Variants in ANO10 observed in about 807,000 individuals in gnomAD.
The protein encoded by ANO10 is anoctamin 10, also known as anoctamin-10.
Under a neutral mutation model 74.7 loss-of-function variants are expected in ANO10, and 77 were observed. The observed-to-expected ratio is 1.03, with a 90% CI of 0.86 to 1.25. The LOEUF (loss-of-function observed/expected upper bound fraction) is 1.25, where lower values mean the gene tolerates loss of function less well. Among genes scored for constraint, ANO10 ranks in the 50% most tolerant of loss-of-function variants. The pLI is 0.00. For synonymous variants in ANO10, 279 were observed against 284.9 expected, an observed-to-expected ratio of 0.98 and a Z score of 0.21; for missense variants, 721 against 778.1, an observed-to-expected ratio of 0.93 and a Z score of 0.87.
intron 7 of ANO10, among the ~76,000 whole-genome samples, chr3:43,571,446 C>T (rs1244815118): frequency 1.3e-5 from 2 of 151,618 alleles, no homozygotes; most frequent in African/African-American, 4.8e-5. Flanking sequence ...AAATGTCCAA[C>T]AATGATAGAC....
intron 11 of ANO10, among the ~76,000 whole-genome samples, chr3:43,515,180 G>T (rs544796501): frequency 6.6e-6 from 1 of 152,272 alleles, no homozygotes; most frequent in South Asian, 2.1e-4. Flanking sequence ...CTGAGCCATG[G>T]GTGCCAGGAT....
chr3:43,517,016 C>T (rs1014036130), intron 11 of ANO10, among the ~76,000 whole-genome samples: 3 of 152,056 alleles, frequency 2.0e-5, no homozygotes, highest in African/African-American at 4.8e-5. Context: ...ATTTATGAGT[C>T]GGCTGCACAG....
At chr3:43,545,664 C>T (rs1184520535) in intron 11 of ANO10, among the ~76,000 whole-genome samples, 1 of 152,166 alleles carries the variant, frequency 6.6e-6, no homozygotes, top group African/African-American at 2.4e-5. Context: ...CCGTGCCCGA[C>T]CCCACTGATA....
chr3:43,422,184 T>A (rs2092829438), intron 12 of ANO10, among the ~76,000 whole-genome samples: 1 of 152,214 alleles, frequency 6.6e-6, no homozygotes, highest in African/African-American at 2.4e-5. Context: ...TGGTGAGATC[T>A]CAGCTCATTG....
chr3:43,429,871 T>C (rs2092955129), intron 12 of ANO10, among the ~76,000 whole-genome samples: 1 of 152,168 alleles, frequency 6.6e-6, no homozygotes, highest in South Asian at 2.1e-4. Flanking sequence ...GACTAAATTT[T>C]GGTACTCTTT....
chr3:43,545,190 T>G (rs1425279487), intron 11 of ANO10, among the ~76,000 whole-genome samples: 1 of 152,272 alleles, frequency 6.6e-6, no homozygotes, highest in East Asian at 1.9e-4. Flanking sequence ...TGCTGTTAAT[T>G]TAATATGCTA....
chr3:43,633,774 T>C (rs2083574299), intron 1 of ANO10, among the ~76,000 whole-genome samples: 1 of 152,104 alleles, frequency 6.6e-6, no homozygotes, highest in South Asian at 2.1e-4. Flanking sequence ...TTATTACTCG[T>C]TGTGTAGCAG....
intron 1 of ANO10, among the ~76,000 whole-genome samples, chr3:43,677,694 A>G (rs538138606): frequency 6.6e-6 from 1 of 152,366 alleles, no homozygotes; most frequent in Non-Finnish European, 1.5e-5. Flanking sequence ...GCCTTCACTC[A>G]TAAGTCTGGT....
chr3:43,548,467 T>C (rs1190560673), intron 11 of ANO10, among the ~76,000 whole-genome samples: 1 of 152,210 alleles, frequency 6.6e-6, no homozygotes, highest in Non-Finnish European at 1.5e-5. Context: ...CTCACTGCTG[T>C]CTAAAATCAT....
At position 43,432,671 on chromosome 3, in the gene ANO10, C is replaced by T; in HGVS notation, c.1854G>A (p.Arg618=). The change falls in exon 12 of 13, where the codon CGG becomes CGA. Residue 618 remains arginine, a synonymous_variant. Transcript: ENST00000292246. Reference sequence around the variant, plus strand: ...GTCTGGCTAGTTTCATCTGGATATGCCGTGGCTTATCAGGTATGGCAAATG... The same window carrying T: ...GTCTGGCTAGTTTCATCTGGATATGTCGTGGCTTATCAGGTATGGCAAATG... ...ILAFAIPDKP[R]HIQMKLARLE... is the part of the protein sequence containing the mutation. 1 of 1,613,948 alleles carries T rather than the reference C, an allele frequency of 6.2e-7. No homozygotes were observed. Among genetic ancestry groups the T allele is most frequent in the Non-Finnish European group, 8.5e-7 (1 of 1,179,924 alleles).
chr3:43,565,764 C>T, intron 7 of ANO10, 37 bp from the exon 8 acceptor site: 5 of 1,532,610 alleles, frequency 3.3e-6, no homozygotes, highest in Non-Finnish European at 4.4e-6. Context: ...AAGTGTTAAG[C>T]ACTGCTTTAG....
At chr3:43,522,162 T>C (rs2077986287) in intron 11 of ANO10, among the ~76,000 whole-genome samples, 2 of 152,112 alleles carry the variant, frequency 1.3e-5, no homozygotes, top group South Asian at 2.1e-4. Context: ...TGGAGAGTCA[T>C]TGCCTGCTGC....
intron 1 of ANO10, among the ~76,000 whole-genome samples, chr3:43,654,260 A>G (rs914990242): frequency 6.6e-5 from 10 of 152,180 alleles, no homozygotes; most frequent in African/African-American, 2.4e-4. Context: ...AAATCCCAAT[A>G]GGATGGAAAT....
intron 12 of ANO10, among the ~76,000 whole-genome samples, chr3:43,422,141 G>A (rs1450486119): frequency 6.6e-6 from 1 of 152,058 alleles, no homozygotes; most frequent in Admixed American, 6.6e-5. Flanking sequence ...TTTTGAGATG[G>A]AGTCTCGCTC....
intron 12 of ANO10, 108 bp downstream of exon 12, chr3:43,432,503 A>G: frequency 3.0e-6 from 3 of 983,754 alleles, no homozygotes; most frequent in Non-Finnish European, 1.6e-6. Context: ...GTATTCATTT[A>G]AACTGGTAAC....
At chr3:43,411,588 T>A (rs1359186523) in intron 12 of ANO10, among the ~76,000 whole-genome samples, 2 of 152,176 alleles carry the variant, frequency 1.3e-5, no homozygotes, top group African/African-American at 4.8e-5. Context: ...GAAGTGCCTC[T>A]CAGAGCAGGG....
At chr3:43,430,420 A>G (rs1015960614) in intron 12 of ANO10, among the ~76,000 whole-genome samples, 3 of 151,688 alleles carry the variant, frequency 2.0e-5, no homozygotes, top group Non-Finnish European at 4.4e-5. Context: ...TACATTTTTT[A>G]CATTTAAATC....
At chr3:43,674,976 C>T (rs2084104500) in intron 1 of ANO10, among the ~76,000 whole-genome samples, 1 of 152,158 alleles carries the variant, frequency 6.6e-6, no homozygotes, top group Non-Finnish European at 1.5e-5. Flanking sequence ...GCAATAAATC[C>T]TTCCTTGAAG....
intron 1 of ANO10, among the ~76,000 whole-genome samples, chr3:43,675,374 T>C: frequency 6.6e-6 from 1 of 152,050 alleles, no homozygotes; most frequent in Admixed American, 6.5e-5. Context: ...TTTTTAGAAA[T>C]CAATAAATAG....
Sources: allele counts gnomAD v4.1 joint callset (sites outside exome capture counted in the v4.1 genomes callset), GRCh38; gene constraint gnomAD v4.1.1; transcripts MANE v1.5; gene names NCBI Gene and HGNC (gene_info 2026-07-23, HGNC 2026-07-21).